Variants in CCNY observed in about 807,000 individuals in gnomAD.
The protein encoded by CCNY is cyclin Y.
A neutral mutation model predicts 42.8 loss-of-function variants in CCNY; 19 were observed. The ratio of observed to expected loss-of-function variants is 0.44; its 90% CI spans 0.31 to 0.65. The LOEUF (loss-of-function observed/expected upper bound fraction) is 0.65, where lower values mean the gene tolerates loss of function less well. Among genes scored for constraint, CCNY ranks in the 30% least tolerant of loss-of-function variants. The pLI, the probability that CCNY is intolerant of heterozygous loss-of-function variation, is 0.07. For missense variants in CCNY, 370 were observed against 437.3 expected (o/e 0.85, Z 1.37); for synonymous variants, 165 against 162.7 (o/e 1.01, Z -0.11).
intron 1 of CCNY, among the ~76,000 whole-genome samples, chr10:35,384,508 C>T (rs1837260753): frequency 6.6e-6 from 1 of 152,222 alleles, no homozygotes; most frequent in African/African-American, 2.4e-5. Context: ...GGAAAGGCAG[C>T]ATCTTGCATG....
intron 1 of CCNY, among the ~76,000 whole-genome samples, chr10:35,406,999 A>G (rs1034616383): frequency 2.0e-5 from 3 of 152,332 alleles, no homozygotes; most frequent in African/African-American, 7.2e-5. Flanking sequence ...CTCTGGGTCT[A>G]GGGTGGTAAA....
chr10:35,426,627 AGT>A (rs1838280145), intron 1 of CCNY, among the ~76,000 whole-genome samples: 1 of 152,244 alleles, frequency 6.6e-6, no homozygotes, highest in African/African-American at 2.4e-5. Flanking sequence ...TTGCTTTGAC[AGT>A]GTGATACATT....
intron 2 of CCNY, among the ~76,000 whole-genome samples, chr10:35,494,279 A>T (rs1412083171): frequency 1.5e-5 from 2 of 133,944 alleles, no homozygotes; most frequent in African/African-American, 2.7e-5. Flanking sequence ...TTTTTTTTTT[A>T]AAGAAAGAGT....
At chr10:35,456,557 C>A (rs2135322087) in intron 1 of CCNY, among the ~76,000 whole-genome samples, 1 of 152,258 alleles carries the variant, frequency 6.6e-6, no homozygotes, top group African/African-American at 2.4e-5. Context: ...ATTATCCATC[C>A]TTCCAAAGCT....
chr10:35,527,701 A>T (rs1840680528), intron 5 of CCNY, among the ~76,000 whole-genome samples: 1 of 152,252 alleles, frequency 6.6e-6, no homozygotes, highest in African/African-American at 2.4e-5. Flanking sequence ...GAGTGGAAGT[A>T]GAGAAAGTCC....
chr10:35,541,433 G>A (rs936599949), intron 7 of CCNY, among the ~76,000 whole-genome samples: 1 of 152,166 alleles, frequency 6.6e-6, no homozygotes, highest in African/African-American at 2.4e-5. Context: ...ATCTCATTCT[G>A]TTGCCCTGGC....
At chr10:35,553,830 A>G (rs571798899) in intron 8 of CCNY, among the ~76,000 whole-genome samples, 2 of 152,212 alleles carry the variant, frequency 1.3e-5, no homozygotes, top group African/African-American at 2.4e-5. Context: ...CCAGTCTTCA[A>G]TTTAGGTGAG....
At chr10:35,276,625 A>G (rs1227432894) in intron 3 of CCNY, among the ~76,000 whole-genome samples, 3 of 152,088 alleles carry the variant, frequency 2.0e-5, no homozygotes, top group African/African-American at 7.2e-5. Context: ...GCCTCAAACA[A>G]TCCTCCTGCC....
intron 8 of CCNY, among the ~76,000 whole-genome samples, chr10:35,554,383 A>C (rs1268577204): frequency 6.6e-6 from 1 of 152,212 alleles, no homozygotes; most frequent in Admixed American, 6.5e-5. Flanking sequence ...TCTTTATTAC[A>C]TAAAGTAAGA....
At chr10:35,353,754 G>GT (rs2135141967) in intron 1 of CCNY, among the ~76,000 whole-genome samples, 1 of 152,264 alleles carries the variant, frequency 6.6e-6, no homozygotes, top group South Asian at 2.1e-4. Flanking sequence ...CTATCTTAAT[G>GT]TTTTTCTTTT....
intron 7 of CCNY, among the ~76,000 whole-genome samples, chr10:35,547,059 T>C (rs1841130299): frequency 6.6e-6 from 1 of 152,070 alleles, no homozygotes; most frequent in Non-Finnish European, 1.5e-5. Context: ...TATTGCACAT[T>C]TTCTGGTTGT....
chr10:35,364,668 A>T (rs1455172632), intron 1 of CCNY, among the ~76,000 whole-genome samples: 1 of 152,220 alleles, frequency 6.6e-6, no homozygotes, highest in Non-Finnish European at 1.5e-5. Context: ...TTTATTAGGC[A>T]GTTCATTTCT....
chr10:35,317,293 CAATA>C (rs1185917871), intron 3 of CCNY, among the ~76,000 whole-genome samples: 7 of 152,260 alleles, frequency 4.6e-5, no homozygotes, highest in Middle Eastern at 3.4e-3. Context: ...ACCTGAAACT[CAATA>C]AATACTTTCT....
intron 3 of CCNY, among the ~76,000 whole-genome samples, chr10:35,261,712 AT>A (rs1445462222): frequency 1.3e-5 from 2 of 152,074 alleles, no homozygotes; most frequent in African/African-American, 4.8e-5. Flanking sequence ...CTCTAAAAAA[AT>A]TTAACGGAAT....
At chr10:35,355,495 T>C (rs966410374) in intron 1 of CCNY, among the ~76,000 whole-genome samples, 10 of 151,542 alleles carry the variant, frequency 6.6e-5, no homozygotes, top group African/African-American at 2.4e-4. Flanking sequence ...CTGGCCAACA[T>C]TGTGAAACCC....
chr10:35,294,673 TC>T (rs1322445412), intron 3 of CCNY, among the ~76,000 whole-genome samples: 15 of 152,374 alleles, frequency 9.8e-5, no homozygotes, highest in Non-Finnish European at 2.1e-4. Flanking sequence ...AGTATTTTGT[TC>T]AGGATGTTTA....
At chr10:35,359,464 C>T (rs183151999) in intron 1 of CCNY, among the ~76,000 whole-genome samples, 5 of 152,068 alleles carry the variant, frequency 3.3e-5, no homozygotes, top group Admixed American at 1.3e-4. Context: ...TATAATATAA[C>T]ATCAAATTTA....
At chr10:35,561,196 A>G (rs1841459063) in intron 8 of CCNY, among the ~76,000 whole-genome samples, 2 of 152,244 alleles carry the variant, frequency 1.3e-5, no homozygotes, top group Middle Eastern at 3.4e-3. Context: ...AGTCCCCAAG[A>G]TCCTAGAATC....
chr10:35,280,299 C>T (rs574356880), intron 3 of CCNY, among the ~76,000 whole-genome samples: 8 of 149,452 alleles, frequency 5.4e-5, no homozygotes, highest in Non-Finnish European at 1.2e-4. Flanking sequence ...TGCATTCCAG[C>T]CTGGGTGAAA....
Sources: allele counts gnomAD v4.1 joint callset (sites outside exome capture counted in the v4.1 genomes callset), GRCh38; gene constraint gnomAD v4.1.1; transcripts MANE v1.5; gene names NCBI Gene and HGNC (gene_info 2026-07-23, HGNC 2026-07-21).